The following ARHGDIA variants were observed in gnomAD, a reference collection of about 807,000 sequenced individuals.
ARHGDIA encodes the protein rho GDP-dissociation inhibitor 1.
Under a neutral mutation model 25.0 loss-of-function variants are expected in ARHGDIA, and 9 were observed. That is an observed-to-expected ratio of 0.36 (90% confidence interval 0.22 to 0.63). The LOEUF is 0.63. Ranked by LOEUF, ARHGDIA falls within the 20% of genes least tolerant of loss-of-function variation. ARHGDIA has a pLI of 0.69. For synonymous variants in ARHGDIA, 166 were observed against 111.5 expected (o/e 1.49, Z -3.08); for missense variants, 239 against 264.3 (o/e 0.90, Z 0.66).
Position 81,868,084 on chromosome 17 carries a change from G to C in ARHGDIA, c.*792C>G, listed in dbSNP as rs1294651715. On this transcript the variant is annotated 3_prime_UTR_variant, in exon 6 of 6. Coordinates refer to ENST00000269321, the MANE Select transcript of ARHGDIA (RefSeq NM_004309.6). ...GCTCTGGGCACTGCCCGCTGAGACAGAAAAGGCAGAGGCAGGACAATACCC... is the reference window on the plus strand; with the variant it reads ...GCTCTGGGCACTGCCCGCTGAGACACAAAAGGCAGAGGCAGGACAATACCC... 2.9e-6 allele frequency: 1 copy of C among 348,400 alleles called. No individual in the cohort carries two copies. Among genetic ancestry groups the C allele is most frequent in the Non-Finnish European group, 5.2e-6 (1 of 191,806 alleles). The allele number at this position is 348,400 out of a possible 1,614,324, so 21.6% of individuals were successfully genotyped here.
Position 81,868,835 on chromosome 17 carries a change from T to TCGTC in ARHGDIA, c.*37_*40dup, listed in dbSNP as rs779870102. On this transcript the variant is annotated 3_prime_UTR_variant, in exon 6 of 6. Transcript: ENST00000269321. ...TGGGGGGGACACATCCGCCTGTCCG[T>TCGTC]CGTCCGTCCGTCAGTCTGCCCTGCC... is the stretch of plus-strand genomic sequence containing the variant. 2 of 1,612,386 alleles carry TCGTC rather than the reference T, an allele frequency of 1.2e-6. No individual in the cohort carries two copies. Among genetic ancestry groups the TCGTC allele is most frequent in the South Asian group, 1.1e-5 (1 of 90,592 alleles).
Position 81,869,441 on chromosome 17 carries a change from G to GCAGCCCTGCGCGAAGCCC in ARHGDIA, c.275-53_275-36dup, listed in dbSNP as rs760805237. The GCAGCCCTGCGCGAAGCCC allele has an allele frequency of 5.2e-4, 833 of 1,612,960 alleles. 2 individuals are homozygous for GCAGCCCTGCGCGAAGCCC. The African/African-American group carries it at 6.2e-3, about 12-fold the overall frequency. ...GGACCTCCCCCTCAATGACTGCCCA[G>GCAGCCCTGCGCGAAGCCC]CAGCCCTGCGCGAAGCCCCAGCCCT... On this transcript the variant is annotated intron_variant, in intron 3 of 5. Transcript: ENST00000269321.
rs769764976 is a variant in ARHGDIA, at chr17:81,868,622, G to A, written c.*254C>T. On this transcript the variant is annotated 3_prime_UTR_variant, in exon 6 of 6. Transcript: ENST00000269321. ...GAAAGGGCAGCAGAGGCCTGGCTGCGGCCTCTCTCCCCCACAGCACAGGCA... is the reference window on the plus strand; with the variant it reads ...GAAAGGGCAGCAGAGGCCTGGCTGCAGCCTCTCTCCCCCACAGCACAGGCA... 182 of 1,535,330 alleles carry A rather than the reference G, an allele frequency of 1.2e-4. No individual in the cohort carries two copies. The highest frequency in any genetic ancestry group is 4.1e-5 in the African/African-American group (3 of 72,998).
Position 81,870,093 on chromosome 17 carries a change from T to G in ARHGDIA, c.-27-136A>C, listed in dbSNP as rs1176688094. The G allele has an allele frequency of 3.6e-6, 3 of 831,666 alleles. No individual in the cohort carries two copies. In the African/African-American group the frequency reaches 5.2e-5, roughly 14 times the overall value. The allele number at this position is 831,666 out of a possible 1,614,324, so 51.5% of individuals were successfully genotyped here. ...CTTCGCTCCTCTCCACCCCCGCGAT[T>G]CCTGCTCAGGGGCATCCTCTGGGGC... On this transcript the variant is annotated intron_variant, in intron 1 of 5. Transcript: ENST00000269321.
Position 81,868,283 on chromosome 17 carries a change from CG to C in ARHGDIA, c.*592del. 1 of 1,326,884 alleles carries C rather than the reference CG, an allele frequency of 7.5e-7. No homozygotes were observed. The highest frequency in any genetic ancestry group is 9.8e-7 in the Non-Finnish European group (1 of 1,016,462). 82.2% of individuals were successfully genotyped at this position (1,326,884 alleles called of 1,614,324 possible). On this transcript the variant is annotated 3_prime_UTR_variant, in exon 6 of 6. Transcript: ENST00000269321. The stretch of plus-strand genomic sequence containing the variant: ...GTCCCTGGGTCACTGGGTTCGCCAC[CG>C]GGGAAGGGACGGGGAGGCCACATGC...
At position 81,868,337 on chromosome 17, in the gene ARHGDIA, A is replaced by G; in HGVS notation, c.*539T>C. ...ATGCAGACACAGGGAGTTAGAGGCT[A>G]GTGAGGCCCCACGGTACACTCCACA... On this transcript the variant is annotated 3_prime_UTR_variant, in exon 6 of 6. Coordinates refer to ENST00000269321, the MANE Select transcript of ARHGDIA (RefSeq NM_004309.6). The G allele has an allele frequency of 5.6e-6, 8 of 1,421,648 alleles. No homozygotes were observed. The highest frequency in any genetic ancestry group is 7.3e-6 in the Non-Finnish European group (8 of 1,088,994). 88.1% of individuals were successfully genotyped at this position (1,421,648 alleles called of 1,614,324 possible). A position where few individuals can be genotyped will look rare whatever the true frequency, so the allele number is the denominator to read the frequency against.
At chr17:81,870,141 G>A (rs866175165) in intron 1 of ARHGDIA, 184 bp from the exon 2 acceptor site, 5 of 598,410 alleles carry the variant, frequency 8.4e-6, no homozygotes, top group Non-Finnish European at 1.5e-5. Context: ...CCCCACCCCA[G>A]GTATAACATC....
chr17:81,871,144 C>G (rs917846511), intron 1 of ARHGDIA, among the ~76,000 whole-genome samples, 154 bp downstream of exon 1: 1 of 146,276 alleles, frequency 6.8e-6, no homozygotes, highest in African/African-American at 2.5e-5. Flanking sequence ...TCACCGCGCC[C>G]CCGCCCGCCG....
At chr17:81,871,136 A>C (rs956453861) in intron 1 of ARHGDIA, among the ~76,000 whole-genome samples, 162 bp downstream of exon 1, 1 of 122,386 alleles carries the variant, frequency 8.2e-6, no homozygotes, top group Non-Finnish European at 1.7e-5. Context: ...GCCCGCTGTC[A>C]CCGCGCCCCC....
In ARHGDIA at chr17:81,869,405, G is replaced by A. The variant is rs1469379667; in HGVS notation, c.276C>T (p.Gly92=). 2 of 1,613,628 alleles carry A rather than the reference G, an allele frequency of 1.2e-6. No homozygotes were observed. Among genetic ancestry groups the A allele is most frequent in the Non-Finnish European group, 1.7e-6 (2 of 1,179,942 alleles). ...ACTGCTTCTTGAAGCTCTCCAGGTC[G>A]CCTGTTGGGGGGACCTCCCCCTCAA... is the stretch of plus-strand genomic sequence containing the variant. The part of the protein sequence containing the change: ...APGPLELDLT[G]DLESFKKQSF... The change falls in exon 4 of 6, where the codon GGC becomes GGT. Residue 92 remains glycine (G), a splice_region_variant and synonymous_variant. Coordinates refer to ENST00000269321, the MANE Select transcript of ARHGDIA (RefSeq NM_004309.6).
In ARHGDIA at chr17:81,868,554, C is replaced by A; in HGVS notation, c.*322G>T. 6.5e-7 allele frequency: 1 copy of A among 1,534,584 alleles called. No individual in the cohort carries two copies. Among genetic ancestry groups the A allele is most frequent in the African/African-American group, 1.4e-5 (1 of 73,152 alleles). On this transcript the variant is annotated 3_prime_UTR_variant, in exon 6 of 6. Coordinates refer to ENST00000269321, the MANE Select transcript of ARHGDIA (RefSeq NM_004309.6). ...ATGGCTGCTCCGCTCCCTCCTGAAG[C>A]CAGGCCTCGGGTGTGACGGGGAGAT...
At chr17:81,870,258 G>A in intron 1 of ARHGDIA, 2 of 347,588 alleles carry the variant, frequency 5.8e-6, no homozygotes, top group East Asian at 5.6e-5. Flanking sequence ...GGGCTAGCAG[G>A]CCCCAGAATC....
At chr17:81,869,458 C>T in intron 3 of ARHGDIA, 52 bp from the exon 4 acceptor site, 2 of 1,612,344 alleles carry the variant, frequency 1.2e-6, no homozygotes, top group South Asian at 1.1e-5. Flanking sequence ...TGCGCGAAGC[C>T]CCAGCCCTGC....
chr17:81,868,264 G>C lies in ARHGDIA; in HGVS notation c.*612C>G. ...GCAGCAGCACACCCCACGTGTCCCT[G>C]GGTCACTGGGTTCGCCACCGGGGAA... On this transcript the variant is annotated 3_prime_UTR_variant, in exon 6 of 6. Transcript: ENST00000269321. 8.5e-7 allele frequency: 1 copy of C among 1,180,670 alleles called. No individual in the cohort carries two copies. Among genetic ancestry groups the C allele is most frequent in the Non-Finnish European group, 1.1e-6 (1 of 880,672 alleles). The allele number at this position is 1,180,670 out of a possible 1,614,324, so 73.1% of individuals were successfully genotyped here. A position where few individuals can be genotyped will look rare whatever the true frequency, so the allele number is the denominator to read the frequency against.
At chr17:81,870,022 A>G in intron 1 of ARHGDIA, 65 bp from the exon 2 acceptor site, 1 of 1,489,686 alleles carries the variant, frequency 6.7e-7, no homozygotes, top group Middle Eastern at 2.4e-4. Context: ...TCTGAGCAGG[A>G]GTGTGGGCTG....
chr17:81,871,238 G>A (rs2039289796), intron 1 of ARHGDIA, 60 bp downstream of exon 1: 2 of 140,968 alleles, frequency 1.4e-5, no homozygotes, highest in African/African-American at 2.6e-5. Context: ...CGGCGCCGCC[G>A]GTCCCCGCCC....
rs770069943 is a variant in ARHGDIA at position 81,868,918 on chromosome 17, G to A, written c.573C>T (p.Ser191=). 4.3e-6 allele frequency: 7 copies of A among 1,613,644 alleles called. No individual in the cohort carries two copies. Among genetic ancestry groups the A allele is most frequent in the Admixed American group, 1.7e-5 (1 of 59,998 alleles). ...TCTTGATGGTGAGATTCCACTCCCA[G>A]GACAGGTGGTCGGTCTTGTCGTCGT... ...FTDDDKTDHL[S]WEWNLTIKKD... is the part of the protein sequence containing the mutation. Residue 191 remains serine, a synonymous_variant, in exon 6 of 6, where the codon TCC becomes TCT. Coordinates refer to ENST00000269321, the MANE Select transcript of ARHGDIA (RefSeq NM_004309.6).
intron 1 of ARHGDIA, chr17:81,870,809 CG>C (rs2039271925): frequency 6.6e-6 from 1 of 152,012 alleles, no homozygotes; most frequent in South Asian, 2.1e-4. Context: ...GGGCGCGGCC[CG>C]CACTTCCGCA....
chr17:81,869,215 C>G lies in ARHGDIA; in HGVS notation c.373G>C (p.Gly125Arg). Residue 125 changes from glycine (G) to arginine (R), a missense_variant, in exon 5 of 6, where the codon GGC (glycine) becomes CGC (arginine). Gly to Arg is a moderately radical substitution (Grantham distance 125). Coordinates refer to ENST00000269321, the MANE Select transcript of ARHGDIA (RefSeq NM_004309.6). ...SFRVNREIVS[G>R]MKYIQHTYRK... The stretch of plus-strand genomic sequence containing the variant: ...TACGTATGCTGGATGTACTTCATGC[C>G]GGACACTATCTCTCGGTTAACCTGC... The G allele has an allele frequency of 6.2e-7, 1 of 1,614,018 alleles. No individual in the cohort carries two copies. The highest frequency in any genetic ancestry group is 8.5e-7 in the Non-Finnish European group (1 of 1,179,978).
Sources: gnomAD v4.1 joint callset for allele counts (sites outside exome capture counted in the v4.1 genomes callset) on GRCh38, gnomAD v4.1.1 for gene constraint, MANE v1.5 for transcripts, NCBI Gene and HGNC (gene_info 2026-07-23, HGNC 2026-07-21) for gene names.